Variants in P3H2 observed in about 807,000 individuals in gnomAD.
The protein encoded by P3H2 is prolyl 3-hydroxylase 2.
P3H2 carries 80 observed loss-of-function variants against 87.0 expected under a neutral mutation model. The ratio of observed to expected loss-of-function variants is 0.92; its 90% CI spans 0.77 to 1.11. The LOEUF is 1.11. Ranked by LOEUF, P3H2 falls within the 50% of genes least tolerant of loss-of-function variation. The pLI, the probability that P3H2 is intolerant of heterozygous loss-of-function variation, is 0.00. For synonymous variants in P3H2, 367 were observed against 359.3 expected (o/e 1.02, Z -0.24); for missense variants, 1,001 against 923.9 (o/e 1.08, Z -1.08).
chr3:190,011,217 G>A (rs1724576301), intron 1 of P3H2, among the ~76,000 whole-genome samples: 1 of 149,938 alleles, frequency 6.7e-6, no homozygotes, highest in African/African-American at 2.5e-5. Context: ...AGCTTGCAGT[G>A]AGCCGAGATT....
At chr3:190,094,472 GT>G (rs1246997625) in intron 1 of P3H2, among the ~76,000 whole-genome samples, 1 of 152,146 alleles carries the variant, frequency 6.6e-6, no homozygotes, top group Non-Finnish European at 1.5e-5. Flanking sequence ...TTATGAAACA[GT>G]GAACCAAATT....
intron 1 of P3H2, among the ~76,000 whole-genome samples, chr3:190,024,694 T>C (rs1174042796): frequency 2.6e-5 from 4 of 152,208 alleles, no homozygotes; most frequent in Non-Finnish European, 5.9e-5. Flanking sequence ...CAGGTTGTTA[T>C]ATCTGCAATG....
At chr3:190,090,044 G>C (rs561884704) in intron 1 of P3H2, among the ~76,000 whole-genome samples, 24 of 152,220 alleles carry the variant, frequency 1.6e-4, no homozygotes, top group African/African-American at 5.3e-4. Flanking sequence ...CGAAGTCAAT[G>C]AATCTTCTCT....
At chr3:190,072,157 C>G (rs1726720962) in intron 1 of P3H2, among the ~76,000 whole-genome samples, 1 of 152,036 alleles carries the variant, frequency 6.6e-6, no homozygotes, top group East Asian at 1.9e-4. Flanking sequence ...TTCTGCGTAA[C>G]TGGGATTACA....
chr3:190,008,115 C>A (rs1267653318), intron 1 of P3H2, among the ~76,000 whole-genome samples: 1 of 151,798 alleles, frequency 6.6e-6, no homozygotes, highest in Non-Finnish European at 1.5e-5. Context: ...AATATACTTA[C>A]ATGAATAAGA....
intron 1 of P3H2, among the ~76,000 whole-genome samples, chr3:189,996,682 C>T (rs1724061185): frequency 6.6e-6 from 1 of 152,090 alleles, no homozygotes; most frequent in African/African-American, 2.4e-5. Flanking sequence ...ATTTAATCAT[C>T]ATACAATGAA....
At position 190,120,252 on chromosome 3, in the gene P3H2, C is replaced by G; in HGVS notation, c.480G>C (p.Lys160Asn). ...PYNYLQRAYI[K>N]LNQLEKAVEA... is the part of the protein sequence containing the mutation. ...CAGTGGAGGAGCGCTCTGTGGGTAC[C>G]TTGATGTAGGCCCGCTGCAGGTAGT... The change falls in exon 1 of 15, where the codon AAG becomes AAC. Residue 160 changes from lysine to asparagine, a missense_variant and splice_region_variant. Transcript: ENST00000319332. The G allele has an allele frequency of 6.2e-7, 1 of 1,610,168 alleles. No individual in the cohort carries two copies. Among genetic ancestry groups the G allele is most frequent in the Non-Finnish European group, 8.5e-7 (1 of 1,179,026 alleles).
At chr3:190,036,195 A>C (rs1246874229) in intron 1 of P3H2, among the ~76,000 whole-genome samples, 1 of 151,860 alleles carries the variant, frequency 6.6e-6, no homozygotes, top group Non-Finnish European at 1.5e-5. Context: ...TAACCACATC[A>C]CTCTGCCTTT....
At chr3:190,063,912 A>G (rs535830086) in intron 1 of P3H2, among the ~76,000 whole-genome samples, 15 of 152,068 alleles carry the variant, frequency 9.9e-5, no homozygotes, top group Admixed American at 3.9e-4. Context: ...GTTAGATTTG[A>G]GAATGTTTAT....
chr3:190,042,580 T>A (rs1725670934), intron 1 of P3H2, among the ~76,000 whole-genome samples: 1 of 152,170 alleles, frequency 6.6e-6, no homozygotes, highest in Non-Finnish European at 1.5e-5. Context: ...TAATAAAAGA[T>A]TTTCAAAATT....
Position 190,116,835 on chromosome 3 carries a change from G to A in P3H2, c.480+3417C>T, listed in dbSNP as rs73186433. Among the ~76,000 whole-genome samples the A allele has an allele frequency of 8.3e-3, 1,267 of 152,328 alleles. 6 individuals carry two copies. Among genetic ancestry groups the A allele is most frequent in the Non-Finnish European group, 0.012 (788 of 68,034 alleles). ...GTCTCACACTGCCTTTAAACAAAAAGTATGGCTAGGAGCCACGTGAAACTA... is the reference window on the plus strand; with the variant it reads ...GTCTCACACTGCCTTTAAACAAAAAATATGGCTAGGAGCCACGTGAAACTA... On this transcript the variant is annotated intron_variant, in intron 1 of 14. Transcript: ENST00000319332.
At chr3:190,031,120 G>A (rs1725238033) in intron 1 of P3H2, among the ~76,000 whole-genome samples, 1 of 151,950 alleles carries the variant, frequency 6.6e-6, no homozygotes, top group Non-Finnish European at 1.5e-5. Context: ...AACTAAAAAT[G>A]AATTAAAATA....
In P3H2 at chr3:189,957,264, T is replaced by C; in HGVS notation, c.*648A>G. On this transcript the variant is annotated 3_prime_UTR_variant, in exon 15 of 15. Coordinates refer to ENST00000319332, the MANE Select transcript of P3H2 (RefSeq NM_018192.4). ...CTCAGACCCAAAGTGGAGCTCACTT[T>C]GGAGAGTCGGAGCTCATGGCCGTTA... 1 of 399,436 alleles carries C rather than the reference T, an allele frequency of 2.5e-6. No individual in the cohort carries two copies. The highest frequency in any genetic ancestry group is 4.4e-6 in the Non-Finnish European group (1 of 226,816). 24.7% of individuals were successfully genotyped at this position (399,436 alleles called of 1,614,324 possible). A position where few individuals can be genotyped will look rare whatever the true frequency, so the allele number is the denominator to read the frequency against.
At chr3:190,103,693 G>A (rs1711721694) in intron 1 of P3H2, among the ~76,000 whole-genome samples, 1 of 152,074 alleles carries the variant, frequency 6.6e-6, no homozygotes, top group African/African-American at 2.4e-5. Context: ...TCAACAACTT[G>A]ACATGAACTA....
chr3:190,031,257 A>G (rs1725241891), intron 1 of P3H2, among the ~76,000 whole-genome samples: 1 of 152,242 alleles, frequency 6.6e-6, no homozygotes, highest in Non-Finnish European at 1.5e-5. Context: ...GTCATTCAAC[A>G]TGCATATACA....
In P3H2 at chr3:190,120,734, T is replaced by C. The variant is rs949245623; in HGVS notation, c.-3A>G. The C allele has an allele frequency of 8.6e-5, 131 of 1,519,248 alleles. No homozygotes were observed. The highest frequency in any genetic ancestry group is 9.6e-5 in the Non-Finnish European group (110 of 1,140,822). The allele number at this position is 1,519,248 out of a possible 1,614,324, so 94.1% of individuals were successfully genotyped here. ...GGCGCCCAGATGCGCTCCCGCATCC[T>C]CCGCCTCAGAGAGGCGCGGGACGGT... On this transcript the variant is annotated 5_prime_UTR_variant, in exon 1 of 15. Coordinates refer to ENST00000319332, the MANE Select transcript of P3H2 (RefSeq NM_018192.4).
At chr3:189,963,869 T>G (rs949218076) in intron 14 of P3H2, 89 bp downstream of exon 14, 8 of 1,358,902 alleles carry the variant, frequency 5.9e-6, no homozygotes, top group Non-Finnish European at 7.4e-6. Context: ...CCTCTTCTTT[T>G]CCTCAGACGA....
chr3:190,035,064 G>T (rs1328034925), intron 1 of P3H2, among the ~76,000 whole-genome samples: 4 of 151,862 alleles, frequency 2.6e-5, no homozygotes, highest in Admixed American at 2.6e-4. Flanking sequence ...GGTCTGGCTG[G>T]TCTCACACTC....
intron 1 of P3H2, among the ~76,000 whole-genome samples, chr3:190,092,929 T>TC (rs892050068): frequency 2.6e-5 from 4 of 151,836 alleles, no homozygotes; most frequent in Non-Finnish European, 4.4e-5. Flanking sequence ...TACTTTCTAA[T>TC]CCCCCCCAAA....
Sources: gnomAD v4.1 joint callset for allele counts (sites outside exome capture counted in the v4.1 genomes callset) on GRCh38, gnomAD v4.1.1 for gene constraint, MANE v1.5 for transcripts, NCBI Gene and HGNC (gene_info 2026-07-23, HGNC 2026-07-21) for gene names.